The following SPTAN1 variants were observed in gnomAD, a reference collection of about 807,000 sequenced individuals.
SPTAN1 encodes the protein spectrin alpha, non-erythrocytic 1, also known as spectrin alpha chain, non-erythrocytic 1.
SPTAN1 carries 61 observed loss-of-function variants against 331.3 expected under a neutral mutation model. That is an observed-to-expected ratio of 0.18 (90% CI 0.15 to 0.23). The LOEUF is 0.23. Ranked by LOEUF, SPTAN1 falls within the 10% of genes least tolerant of loss-of-function variation. The pLI is 1.00. For synonymous variants in SPTAN1, 1,153 were observed against 1,173.9 expected (o/e 0.98, Z 0.36); for missense variants, 2,043 against 3,147.9 (o/e 0.65, Z 8.40).
intron 3 of SPTAN1, among the ~76,000 whole-genome samples, chr9:128,571,560 G>A (rs1326068599): frequency 3.9e-5 from 6 of 152,046 alleles, no homozygotes; most frequent in Non-Finnish European, 8.8e-5. Context: ...ACTCTGGCTT[G>A]GGCAACAAGA....
chr9:128,569,022 G>A (rs1311290295), intron 3 of SPTAN1, 125 bp downstream of exon 3: 2 of 1,355,708 alleles, frequency 1.5e-6, no homozygotes, highest in African/African-American at 2.9e-5. Flanking sequence ...AATTTATGAA[G>A]TCTCCTTAAG....
intron 43 of SPTAN1, 54 bp from the exon 44 acceptor site, chr9:128,618,817 C>A: frequency 6.2e-7 from 1 of 1,613,652 alleles, no homozygotes; most frequent in Non-Finnish European, 8.5e-7. Flanking sequence ...TTAACTATCA[C>A]AATCAAAGCT....
At chr9:128,604,475 C>A in intron 29 of SPTAN1, 58 bp downstream of exon 29, 1 of 1,533,928 alleles carries the variant, frequency 6.5e-7, no homozygotes, top group Non-Finnish European at 8.9e-7. Context: ...GGTTTCCTGA[C>A]AGCCCCCAAG....
intron 1 of SPTAN1, 143 bp from the exon 2 acceptor site, chr9:128,566,595 T>C (rs1185694405): frequency 7.1e-6 from 9 of 1,259,870 alleles, no homozygotes; most frequent in Non-Finnish European, 1.0e-5. Context: ...TGGGCTTCAT[T>C]GTTCCTAAGA....
chr9:128,598,314 A>T, intron 24 of SPTAN1, 86 bp from the exon 25 acceptor site: 1 of 969,726 alleles, frequency 1.0e-6, no homozygotes, highest in Non-Finnish European at 1.6e-6. Context: ...GAATCCTTAT[A>T]GTTTCAAGCC....
Position 128,604,139 on chromosome 9 carries a change from A to G in SPTAN1, c.3628-187A>G, listed in dbSNP as rs1355522462. Among the ~76,000 whole-genome samples, 3 of 152,382 alleles carry G rather than the reference A, an allele frequency of 2.0e-5. No individual in the cohort carries two copies. In the East Asian group the frequency reaches 5.8e-4, roughly 29 times the overall value. ...GTGTTTGTGGGTGTTGAAGCTGTCA[A>G]GCACAGCTAGTTTTGGCTTGGCTCT... is the stretch of plus-strand genomic sequence containing the variant. On this transcript the variant is annotated intron_variant, in intron 28 of 56. Coordinates refer to ENST00000372739, the MANE Select transcript of SPTAN1 (RefSeq NM_001130438.3).
intron 1 of SPTAN1, among the ~76,000 whole-genome samples, chr9:128,555,583 A>G (rs78014314): frequency 0.026 from 3,881 of 150,196 alleles, 147 homozygotes; most frequent in African/African-American, 0.09. Context: ...TTAAATTATC[A>G]GAAGTATTAG....
At chr9:128,608,500 T>C (rs184068161) in intron 34 of SPTAN1, among the ~76,000 whole-genome samples, 1 of 152,078 alleles carries the variant, frequency 6.6e-6, no homozygotes, top group Non-Finnish European at 1.5e-5. Context: ...GGAAAACAAA[T>C]GTGTGGGTAG....
chr9:128,559,221 G>C (rs76672103), intron 1 of SPTAN1, among the ~76,000 whole-genome samples: 1 of 152,138 alleles, frequency 6.6e-6, no homozygotes, highest in Non-Finnish European at 1.5e-5. Context: ...GAATTGACTC[G>C]TTCTACTTCA....
chr9:128,553,216 CG>C (rs1183045361), intron 1 of SPTAN1: 2 of 152,280 alleles, frequency 1.3e-5, no homozygotes, highest in African/African-American at 4.8e-5. Flanking sequence ...ATAGCGTAAA[CG>C]GCTCTCTGAC....
chr9:128,560,461 A>G (rs1463160070), intron 1 of SPTAN1, among the ~76,000 whole-genome samples: 1 of 151,302 alleles, frequency 6.6e-6, no homozygotes, highest in East Asian at 2.0e-4. Flanking sequence ...GCTCACTGCA[A>G]ACTCCGCCTC....
At chr9:128,624,785 C>T (rs1224307006) in intron 46 of SPTAN1, 8 of 564,384 alleles carry the variant, frequency 1.4e-5, no homozygotes, top group Non-Finnish European at 2.5e-5. Flanking sequence ...AGCAAAGGCA[C>T]CACTAGCTGC....
At chr9:128,632,031 G>A in intron 52 of SPTAN1, 96 bp from the exon 53 acceptor site, 2 of 1,343,870 alleles carry the variant, frequency 1.5e-6, no homozygotes, top group Non-Finnish European at 2.1e-6. Context: ...TCTCAGGCCA[G>A]GCCTGGAGCA....
chr9:128,552,638 C>T lies in SPTAN1; in HGVS notation c.-62C>T, dbSNP rs547078927. On this transcript the variant is annotated 5_prime_UTR_variant, in exon 1 of 57. Coordinates refer to ENST00000372739, the MANE Select transcript of SPTAN1 (RefSeq NM_001130438.3). The surrounding 1 kb of genome is among the most constrained non-coding windows in gnomAD (Gnocchi z 4.6). ...TGTGGAGCGGAGGCCGCGGAGGCTC[C>T]TCGGTCCTTCAGCACCCCTCGGCCC... 4 of 151,862 alleles carry T rather than the reference C, an allele frequency of 2.6e-5. No homozygotes were observed. The highest frequency in any genetic ancestry group is 2.1e-4 in the South Asian group (1 of 4,826). The allele number at this position is 151,862 out of a possible 1,614,324, so 9.4% of individuals were successfully genotyped here. A position where few individuals can be genotyped will look rare whatever the true frequency, so the allele number is the denominator to read the frequency against.
chr9:128,602,212 G>GTT (rs995277746), intron 27 of SPTAN1, among the ~76,000 whole-genome samples: 4 of 145,714 alleles, frequency 2.7e-5, no homozygotes, highest in African/African-American at 1.0e-4. Flanking sequence ...TTTTTTTTGG[G>GTT]TTTTTTTTGT....
At chr9:128,609,882 C>G (rs1431362694) in intron 37 of SPTAN1, among the ~76,000 whole-genome samples, 2 of 152,222 alleles carry the variant, frequency 1.3e-5, no homozygotes, top group Non-Finnish European at 2.9e-5. Context: ...TCCCCCTTCT[C>G]TCCCCCAGTT....
intron 35 of SPTAN1, 35 bp from the exon 36 acceptor site, chr9:128,609,087 T>C (rs1296889908): frequency 6.2e-7 from 1 of 1,614,212 alleles, no homozygotes; most frequent in Non-Finnish European, 8.5e-7. Context: ...CGGTAAGATA[T>C]GCTCATGTTG....
chr9:128,598,952 T>C lies in SPTAN1; in HGVS notation c.3520-11T>C, dbSNP rs764648739. The C allele has an allele frequency of 2.5e-6, 4 of 1,613,442 alleles. No individual in the cohort carries two copies. In the African/African-American group the frequency reaches 4.0e-5, roughly 16 times the overall value. On this transcript the variant is annotated splice_polypyrimidine_tract_variant and intron_variant, in intron 25 of 56. Coordinates refer to ENST00000372739, the MANE Select transcript of SPTAN1 (RefSeq NM_001130438.3). The stretch of plus-strand genomic sequence containing the variant: ...TCTAATAATAAAACTGGTTTCTCTC[T>C]CTCCTTGTAGGAAGTGTATGGCATG...
Position 128,626,425 on chromosome 9 carries a change from C to G in SPTAN1, c.6314C>G (p.Ala2105Gly). 1 of 1,614,224 alleles carries G rather than the reference C, an allele frequency of 6.2e-7. No homozygotes were observed. The highest frequency in any genetic ancestry group is 8.5e-7 in the Non-Finnish European group (1 of 1,180,042). The change falls in exon 49 of 57, where the codon GCT (alanine) becomes GGT (glycine). Residue 2105 changes from alanine (A) to glycine (G), a missense_variant. Ala to Gly is a moderately conservative substitution (Grantham distance 60). This residue lies in a region of SPTAN1 where 256 missense variants were observed against 376.4 expected (regional missense o/e 0.68). Transcript: ENST00000372739. ...EDLFLTFAKKASAFNSWFENA... is the reference protein window; with the variant it reads ...EDLFLTFAKKGSAFNSWFENA... ...CTCTTCCTGACCTTCGCCAAAAAGG[C>G]TTCTGCCTTCAACAGCTGGTTTGAA... is the stretch of plus-strand genomic sequence containing the variant.
Sources: allele counts gnomAD v4.1 joint callset (sites outside exome capture counted in the v4.1 genomes callset), GRCh38; gene constraint gnomAD v4.1.1; regional missense constraint gnomAD v4.1.1; non-coding constraint Gnocchi (gnomAD v3.1); transcripts MANE v1.5; gene names NCBI Gene and HGNC (gene_info 2026-07-23, HGNC 2026-07-21).